The following DOCK9 variants were observed in gnomAD, a reference collection of about 807,000 sequenced individuals.
The protein encoded by DOCK9 is dedicator of cytokinesis protein 9.
DOCK9 carries 89 observed loss-of-function variants against 263.3 expected under a neutral mutation model. The observed-to-expected ratio is 0.34, with a 90% confidence interval of 0.28 to 0.40. The LOEUF (loss-of-function observed/expected upper bound fraction) is 0.40. Ranked by LOEUF, DOCK9 falls within the 10% of genes least tolerant of loss-of-function variation. The pLI, the probability that DOCK9 is intolerant of heterozygous loss-of-function variation, is 1.00. For missense variants in DOCK9, 2,140 were observed against 2,603.4 expected (o/e 0.82, Z 3.87); for synonymous variants, 976 against 973.1 (o/e 1.00, Z -0.06).
intron 1 of DOCK9, among the ~76,000 whole-genome samples, chr13:99,058,175 T>TC (rs2041015208): frequency 6.6e-6 from 1 of 151,290 alleles, no homozygotes; most frequent in Non-Finnish European, 1.5e-5. Flanking sequence ...TCTTTTTTTT[T>TC]TTTTTTTGAG....
At chr13:98,850,982 G>C (rs1447030736) in intron 35 of DOCK9, among the ~76,000 whole-genome samples, 1 of 152,166 alleles carries the variant, frequency 6.6e-6, no homozygotes, top group Non-Finnish European at 1.5e-5. Flanking sequence ...GGTGGCTATG[G>C]GGATGCTGAT....
intron 44 of DOCK9, chr13:98,826,051 T>C: frequency 1.3e-6 from 1 of 797,970 alleles, no homozygotes; most frequent in Non-Finnish European, 1.8e-6. Context: ...CTCTGCTGTT[T>C]CATTCCAAAT....
chr13:98,874,026 C>T (rs548143866), intron 27 of DOCK9, among the ~76,000 whole-genome samples: 61 of 152,300 alleles, frequency 4.0e-4, no homozygotes, highest in Non-Finnish European at 7.4e-4. Flanking sequence ...TTTATTGAGG[C>T]ATAATTTACA....
chr13:98,869,623 G>C (rs2094137022), intron 27 of DOCK9, among the ~76,000 whole-genome samples: 1 of 152,244 alleles, frequency 6.6e-6, no homozygotes, highest in South Asian at 2.1e-4. Flanking sequence ...CTGAGGCTTA[G>C]AGAGCTCACT....
intron 2 of DOCK9, among the ~76,000 whole-genome samples, chr13:98,939,561 A>T (rs530358713): frequency 7.2e-5 from 11 of 152,276 alleles, no homozygotes; most frequent in Non-Finnish European, 1.2e-4. Flanking sequence ...CTGCTGAAGG[A>T]AGGGCAAATC....
chr13:99,025,659 T>G (rs1886621270), intron 1 of DOCK9, among the ~76,000 whole-genome samples: 1 of 152,244 alleles, frequency 6.6e-6, no homozygotes, highest in African/African-American at 2.4e-5. Flanking sequence ...TTCAGATGGT[T>G]AAACCCAGGT....
chr13:98,842,016 T>C (rs2093238295), intron 38 of DOCK9, among the ~76,000 whole-genome samples: 1 of 149,564 alleles, frequency 6.7e-6, no homozygotes, highest in Admixed American at 6.6e-5. Context: ...TAAAGATATA[T>C]TATCCATGCT....
intron 1 of DOCK9, among the ~76,000 whole-genome samples, chr13:98,996,336 C>T (rs771061285): frequency 5.3e-5 from 8 of 152,236 alleles, no homozygotes; most frequent in Non-Finnish European, 1.2e-4. Flanking sequence ...AGCGGTCACA[C>T]ATCTTTTTCC....
At position 99,081,393 on chromosome 13, in the gene DOCK9, C is replaced by A. The variant is rs1400579882; in HGVS notation, c.129+4830G>T. ...AGTAATACCAAGCGAAATTTAGCAA[C>A]GACCTGACTTGGTTTCATTTGTATT... On this transcript the variant is annotated intron_variant, in intron 1 of 32. Transcript: ENST00000427887. Among the ~76,000 whole-genome samples the A allele has an allele frequency of 4.6e-5, 7 of 152,152 alleles. No individual in the cohort carries two copies. The East Asian group carries it at 1.3e-3, about 29-fold the overall frequency.
At chr13:98,861,856 G>A (rs923839105) in intron 32 of DOCK9, among the ~76,000 whole-genome samples, 43 of 152,196 alleles carry the variant, frequency 2.8e-4, no homozygotes, top group African/African-American at 9.7e-4. Context: ...GTTCTTGGAG[G>A]TGGAGCCTCA....
chr13:98,850,793 T>C (rs1006384725), intron 35 of DOCK9, among the ~76,000 whole-genome samples: 2 of 152,250 alleles, frequency 1.3e-5, no homozygotes, highest in Non-Finnish European at 2.9e-5. Context: ...CCCAATGGTA[T>C]GTGCATTTAA....
At chr13:98,826,058 A>G (rs2092521528) in intron 44 of DOCK9, 7 of 738,994 alleles carry the variant, frequency 9.5e-6, no homozygotes, top group Non-Finnish European at 1.2e-5. Context: ...GTTTCATTCC[A>G]AATAGCCAGC....
chr13:98,875,798 C>A (rs2043733587), intron 27 of DOCK9, among the ~76,000 whole-genome samples: 1 of 152,204 alleles, frequency 6.6e-6, no homozygotes, highest in Non-Finnish European at 1.5e-5. Context: ...CCATACTTTG[C>A]AGGTCCATCC....
intron 2 of DOCK9, chr13:98,950,315 G>T: frequency 1.2e-6 from 1 of 809,062 alleles, no homozygotes; most frequent in Non-Finnish European, 2.0e-6. Context: ...AACCTGAGCT[G>T]TTTTCCTTTC....
chr13:99,004,922 T>C (rs1883042518), intron 1 of DOCK9, among the ~76,000 whole-genome samples: 1 of 152,098 alleles, frequency 6.6e-6, no homozygotes, highest in Non-Finnish European at 1.5e-5. Context: ...ATTTGTATAA[T>C]GTATAAAAGG....
rs764377887 is a variant in DOCK9, at chr13:98,955,525, G to C, written c.153C>G (p.Leu51=). Residue 51 remains leucine (L), a synonymous_variant, in exon 2 of 53, where the codon CTC becomes CTG. Coordinates refer to ENST00000682017, the MANE Select transcript of DOCK9 (RefSeq NM_001366683.2). The part of the protein sequence containing the change: ...VPAKPKLIEP[L]DYENVIVQKK... Reference sequence around the variant, plus strand: ...TCTGGACGATGACATTTTCATAGTCGAGTGGCTCAATTAGCTTTGGCTTTG... The same window carrying C: ...TCTGGACGATGACATTTTCATAGTCCAGTGGCTCAATTAGCTTTGGCTTTG... 6.3e-7 allele frequency: 1 copy of C among 1,594,506 alleles called. No individual in the cohort carries two copies. Among genetic ancestry groups the C allele is most frequent in the Admixed American group, 1.7e-5 (1 of 57,714 alleles).
At position 98,829,222 on chromosome 13, in the gene DOCK9, A is replaced by G; in HGVS notation, c.4965+85T>C. 1 of 1,274,064 alleles carries G rather than the reference A, an allele frequency of 7.8e-7. No individual in the cohort carries two copies. Among genetic ancestry groups the G allele is most frequent in the Non-Finnish European group, 1.1e-6 (1 of 924,010 alleles). The allele number at this position is 1,274,064 out of a possible 1,614,324, so 78.9% of individuals were successfully genotyped here. A position where few individuals can be genotyped will look rare whatever the true frequency, so the allele number is the denominator to read the frequency against. On this transcript the variant is annotated intron_variant, in intron 43 of 52. Transcript: ENST00000682017. This position sits in a 1 kb window ranked among gnomAD's most constrained non-coding sequence, Gnocchi z 4.1. ...TAATTGGTTTTTGATTAATGGAATA[A>G]CTTTTCTCAAAACTGGCTTTTTAAG...
At position 98,915,553 on chromosome 13, in the gene DOCK9, C is replaced by T. The variant is rs1595274051; in HGVS notation, c.718-50G>A. 1.1e-5 allele frequency: 17 copies of T among 1,516,450 alleles called. No homozygotes were observed. In the Middle Eastern group the frequency reaches 2.3e-3, roughly 203 times the overall value. 93.9% of individuals were successfully genotyped at this position (1,516,450 alleles called of 1,614,324 possible). On this transcript the variant is annotated intron_variant, in intron 7 of 52. Transcript: ENST00000682017. ...ACATACTTTAAAAGAATTAGAACTG[C>T]TTTAAAATAATTACTCTCTCTTGTT...
At chr13:99,038,292 T>C (rs1360092251) in intron 1 of DOCK9, among the ~76,000 whole-genome samples, 6 of 33,324 alleles carry the variant, frequency 1.8e-4, no homozygotes, top group South Asian at 2.2e-3. Context: ...GCCCCCCTTT[T>C]TTTTTTTTTT....
Sources: allele counts gnomAD v4.1 joint callset (sites outside exome capture counted in the v4.1 genomes callset), GRCh38; gene constraint gnomAD v4.1.1; non-coding constraint Gnocchi (gnomAD v3.1); transcripts MANE v1.5; gene names NCBI Gene and HGNC (gene_info 2026-07-23, HGNC 2026-07-21).